CROCC2: variants seen among roughly 807,000 people sequenced by gnomAD.
CROCC2 encodes the protein ciliary rootlet coiled-coil, rootletin family member 2.
CROCC2 carries 163 observed loss-of-function variants against 177.6 expected under a neutral mutation model. That is an observed-to-expected ratio of 0.92 (90% CI 0.81 to 1.05). The LOEUF is 1.05. Among genes scored for constraint, CROCC2 ranks in the 50% least tolerant of loss-of-function variants. The pLI is 0.00. For synonymous variants in CROCC2, 904 were observed against 787.3 expected (o/e 1.15, Z -2.48); for missense variants, 1,929 against 1,797.8 (o/e 1.07, Z -1.32).
chr2:240,912,151 C>T (rs1319090779), intron 1 of CROCC2, among the ~76,000 whole-genome samples: 2 of 152,220 alleles, frequency 1.3e-5, no homozygotes, highest in Admixed American at 1.3e-4. Context: ...CAAGGTTTAT[C>T]TGTCTGTACT....
At chr2:240,933,879 G>A (rs1040686136) in intron 11 of CROCC2, 27 bp downstream of exon 11, 35 of 1,534,620 alleles carry the variant, frequency 2.3e-5, no homozygotes, top group Non-Finnish European at 3.1e-5. Flanking sequence ...GGGTGGGCAG[G>A]GCCCCTCCCA....
At chr2:240,951,218 TCCATCCATTCAC>T (rs1429610838) in intron 18 of CROCC2, among the ~76,000 whole-genome samples, 1 of 147,508 alleles carries the variant, frequency 6.8e-6, no homozygotes, top group Non-Finnish European at 1.5e-5. Context: ...CATCCGTCTG[TCCATCCATTCAC>T]CCATCCATCC....
chr2:240,935,420 G>T lies in CROCC2; in HGVS notation c.2001G>T (p.Arg667=). ...AGACTCTGGAGCAGGAACGGGCCCG[G>T]GCCGGGGAGCAGCTGGCACAGGCGG... The part of the protein sequence containing the change: ...QRKTLEQERA[R]AGEQLAQAEQ... Residue 667 remains arginine, a synonymous_variant, in exon 14 of 32, where the codon CGG becomes CGT. Coordinates refer to ENST00000690015, the MANE Select transcript of CROCC2 (RefSeq NM_001351305.2). 7.2e-7 allele frequency: 1 copy of T among 1,379,666 alleles called. No individual in the cohort carries two copies. The highest frequency in any genetic ancestry group is 9.4e-7 in the Non-Finnish European group (1 of 1,061,210). 85.5% of individuals were successfully genotyped at this position (1,379,666 alleles called of 1,614,324 possible).
chr2:240,966,493 C>T (rs901995163), intron 25 of CROCC2, 84 bp downstream of exon 25: 17 of 398,432 alleles, frequency 4.3e-5, no homozygotes, highest in Middle Eastern at 6.0e-4. Context: ...TCCATCCGCG[C>T]GTCCCTGGGT....
Position 240,982,004 on chromosome 2 carries a change from G to A in CROCC2, c.4402-876G>A, listed in dbSNP as rs987142719. The A allele has an allele frequency of 6.6e-6, 1 of 152,062 alleles. No homozygotes were observed. The highest frequency in any genetic ancestry group is 1.5e-5 in the Non-Finnish European group (1 of 68,076). The allele number at this position is 152,062 out of a possible 1,614,324, so 9.4% of individuals were successfully genotyped here. A position where few individuals can be genotyped will look rare whatever the true frequency, so the allele number is the denominator to read the frequency against. On this transcript the variant is annotated intron_variant, in intron 27 of 31. Transcript: ENST00000690015. The surrounding 1 kb of genome is among the most constrained non-coding windows in gnomAD (Gnocchi z 4.7). ...CCATCCTCCCTCCTGGGATGACAGGGAGGCAGGATTCCTGCAAGCAGGAGG... is the reference window on the plus strand; with the variant it reads ...CCATCCTCCCTCCTGGGATGACAGGAAGGCAGGATTCCTGCAAGCAGGAGG...
Position 240,950,508 on chromosome 2 carries a change from C to T in CROCC2, c.2827C>T (p.Gln943Ter), listed in dbSNP as rs1410133274. ...SLLQLEHKMQ[Q>*]ALSLKETERS... is the part of the protein sequence containing the mutation. ...TCTCCAACTGGAGCACAAGATGCAA[C>T]AGGTGATGGTGAGGCTGGGGGGCAG... Residue 943 changes from glutamine (Q) to a stop codon, truncating the protein, a stop_gained and splice_region_variant, in exon 18 of 32, where the codon CAG (glutamine) becomes TAG (stop). Coordinates refer to ENST00000690015, the MANE Select transcript of CROCC2 (RefSeq NM_001351305.2). LOFTEE classifies it high-confidence loss of function. 1.0e-5 allele frequency: 16 copies of T among 1,548,728 alleles called. No individual in the cohort carries two copies. The East Asian group carries it at 3.4e-4, about 33-fold the overall frequency.
Position 240,965,447 on chromosome 2 carries a change from T to TCGCA in CROCC2, c.3533_3536dup (p.Gln1179HisfsTer52), listed in dbSNP as rs1312601773. On this transcript the variant is annotated frameshift_variant, in exon 23 of 32. Transcript: ENST00000690015. LOFTEE classifies it high-confidence loss of function. ...GGCCCATGAGCTGCAGGCGCAGTGCTCGCAGGAGGTGCTGGAGCTGCGGAG... is the reference window on the plus strand; with the variant it reads ...GGCCCATGAGCTGCAGGCGCAGTGCTCGCACGCAGGAGGTGCTGGAGCTGCGGAG... The TCGCA allele has an allele frequency of 6.5e-7, 1 of 1,549,824 alleles. No individual in the cohort carries two copies. The highest frequency in any genetic ancestry group is 8.7e-7 in the Non-Finnish European group (1 of 1,146,932).
chr2:240,967,735 C>A (rs2059692712), intron 26 of CROCC2, among the ~76,000 whole-genome samples: 1 of 152,174 alleles, frequency 6.6e-6, no homozygotes, highest in Non-Finnish European at 1.5e-5. Context: ...CCTCTGCCCC[C>A]CTGCCCCACC....
chr2:240,952,515 C>A (rs2059563242), intron 18 of CROCC2, among the ~76,000 whole-genome samples: 1 of 152,216 alleles, frequency 6.6e-6, no homozygotes, highest in Non-Finnish European at 1.5e-5. Flanking sequence ...GTGCAGTGCA[C>A]CTGCTGGGCA....
In CROCC2 at chr2:240,973,183, A is replaced by G. The variant is rs1050039729; in HGVS notation, c.4401+4921A>G. On this transcript the variant is annotated intron_variant, in intron 27 of 31. Transcript: ENST00000690015. The surrounding 1 kb of genome is among the most constrained non-coding windows in gnomAD (Gnocchi z 4.7). ...TCAAGAGAAAGTTAATTAAAAACAT[A>G]TTTTTCTAATTAAATGGTAGGCTGT... Among the ~76,000 whole-genome samples the G allele has an allele frequency of 6.6e-6, 1 of 152,174 alleles. No individual in the cohort carries two copies. Among genetic ancestry groups the G allele is most frequent in the African/African-American group, 2.4e-5 (1 of 41,412 alleles).
rs1286259301 is a variant in CROCC2 at position 240,932,806 on chromosome 2, C to T, written c.1149C>T (p.Pro383=). ...GGAGCCCCCAACGTGCCACATCCCC[C>T]CATCAAGGGGCGTCCCCACCACACA... ...PLRSPQRATS[P]HQGASPPHIC... The change falls in exon 9 of 32, where the codon CCC becomes CCT. Residue 383 remains proline (P), a synonymous_variant. Transcript: ENST00000690015. 1 of 1,514,894 alleles carries T rather than the reference C, an allele frequency of 6.6e-7. No individual in the cohort carries two copies. Among genetic ancestry groups the T allele is most frequent in the African/African-American group, 1.4e-5 (1 of 72,316 alleles). 93.8% of individuals were successfully genotyped at this position (1,514,894 alleles called of 1,614,324 possible). A position where few individuals can be genotyped will look rare whatever the true frequency, so the allele number is the denominator to read the frequency against.
At chr2:240,911,158 A>T (rs1216324935) in intron 1 of CROCC2, among the ~76,000 whole-genome samples, 4 of 152,110 alleles carry the variant, frequency 2.6e-5, no homozygotes, top group Admixed American at 2.6e-4. Flanking sequence ...TTTTTAAAAA[A>T]ATTTTTCATT....
chr2:240,935,248 C>A, intron 13 of CROCC2, 110 bp from the exon 14 acceptor site: 1 of 1,223,914 alleles, frequency 8.2e-7, no homozygotes, highest in Non-Finnish European at 1.1e-6. Flanking sequence ...GCCCCTGGGC[C>A]AGGCCTGAGG....
chr2:240,981,123 ATC>A (rs2059795739), intron 27 of CROCC2, among the ~76,000 whole-genome samples: 1 of 140,770 alleles, frequency 7.1e-6, no homozygotes, highest in Non-Finnish European at 1.5e-5. Context: ...GAGCCTCAGG[ATC>A]CCAGGCTCAT....
At chr2:240,931,295 C>T (rs1440935189) in intron 7 of CROCC2, among the ~76,000 whole-genome samples, 167 bp downstream of exon 7, 1 of 152,220 alleles carries the variant, frequency 6.6e-6, no homozygotes, top group Non-Finnish European at 1.5e-5. Context: ...ATCCCAGTGG[C>T]TGCAGGGCAC....
intron 21 of CROCC2, 54 bp downstream of exon 21, chr2:240,963,827 C>A: frequency 6.6e-7 from 1 of 1,525,474 alleles, no homozygotes; most frequent in South Asian, 1.2e-5. Context: ...GCTGCCCACC[C>A]AGGCCGTAGG....
intron 5 of CROCC2, among the ~76,000 whole-genome samples, chr2:240,928,420 T>TTGTGTGTGTGTGTGTGTG (rs58145871): frequency 0.014 from 2,015 of 147,714 alleles, 41 homozygotes; most frequent in Admixed American, 0.035. Context: ...TGTGCCTGTT[T>TTGTGTGTGTGTGTGTGTG]TGTGTGTGTG....
At chr2:240,937,144 A>G (rs945925175) in intron 14 of CROCC2, among the ~76,000 whole-genome samples, 7 of 152,262 alleles carry the variant, frequency 4.6e-5, no homozygotes, top group African/African-American at 1.7e-4. Context: ...GAAGAGTTCC[A>G]GTTGCTCCTC....
rs1291495066 is a variant in CROCC2 at position 240,960,270 on chromosome 2, G to A, written c.3087+826G>A. Reference sequence around the variant, plus strand: ...CACTGGGCTGGACACTAAGGTCGGGGGAGGCTGGATTTGGGGCAGCAGGCA... The same window carrying A: ...CACTGGGCTGGACACTAAGGTCGGGAGAGGCTGGATTTGGGGCAGCAGGCA... On this transcript the variant is annotated intron_variant, in intron 20 of 31. Transcript: ENST00000690015. The surrounding 1 kb of genome is among the most constrained non-coding windows in gnomAD (Gnocchi z 5.0). Among the ~76,000 whole-genome samples the A allele has an allele frequency of 6.6e-6, 1 of 152,246 alleles. No individual in the cohort carries two copies. Among genetic ancestry groups the A allele is most frequent in the Non-Finnish European group, 1.5e-5 (1 of 68,038 alleles).
Sources: gnomAD v4.1 joint callset for allele counts (sites outside exome capture counted in the v4.1 genomes callset) on GRCh38, gnomAD v4.1.1 for gene constraint, Gnocchi (gnomAD v3.1) non-coding constraint, MANE v1.5 for transcripts, NCBI Gene and HGNC (gene_info 2026-07-23, HGNC 2026-07-21) for gene names.